ROBO2: variants seen among roughly 807,000 people sequenced by gnomAD.
ROBO2 encodes roundabout homolog 2.
ROBO2 carries 53 observed loss-of-function variants against 160.8 expected under a neutral mutation model. The ratio of observed to expected loss-of-function variants is 0.33; its 90% CI spans 0.26 to 0.41. ROBO2 has a LOEUF of 0.41. Ranked by LOEUF, ROBO2 falls within the 10% of genes least tolerant of loss-of-function variation. The pLI is 1.00. For missense variants in ROBO2, 1,577 were observed against 1,722.4 expected, an observed-to-expected ratio of 0.92 and a Z score of 1.49; for synonymous variants, 664 against 611.7, an observed-to-expected ratio of 1.09 and a Z score of -1.26.
intron 2 of ROBO2, among the ~76,000 whole-genome samples, chr3:76,809,723 T>C (rs1272177658): frequency 6.6e-6 from 1 of 152,142 alleles, no homozygotes; most frequent in Non-Finnish European, 1.5e-5. Context: ...TTGCTTATCA[T>C]ATTTCTGATT....
chr3:76,341,280 G>T (rs1041561454), intron 2 of ROBO2, among the ~76,000 whole-genome samples: 1 of 150,172 alleles, frequency 6.7e-6, no homozygotes, highest in Non-Finnish European at 1.5e-5. Flanking sequence ...AGCGATACAG[G>T]TTCCTTGGTC....
chr3:77,517,234 G>A (rs946707984), intron 5 of ROBO2, among the ~76,000 whole-genome samples: 1 of 151,536 alleles, frequency 6.6e-6, no homozygotes, highest in East Asian at 1.9e-4. Context: ...ACATGTATAA[G>A]GGAATGATAT....
At chr3:76,426,646 G>A (rs1224596873) in intron 2 of ROBO2, among the ~76,000 whole-genome samples, 1 of 152,132 alleles carries the variant, frequency 6.6e-6, no homozygotes, top group Non-Finnish European at 1.5e-5. Context: ...AGTGGGCTTA[G>A]ATGAAAGGGG....
chr3:77,067,531 A>C (rs561908745), intron 1 of ROBO2, among the ~76,000 whole-genome samples: 2 of 152,340 alleles, frequency 1.3e-5, no homozygotes, highest in South Asian at 4.1e-4. Context: ...TATGCATAAC[A>C]GACTGAAAAG....
At chr3:76,083,684 G>T (rs2068914274) in intron 2 of ROBO2, among the ~76,000 whole-genome samples, 1 of 151,996 alleles carries the variant, frequency 6.6e-6, no homozygotes, top group South Asian at 2.1e-4. Context: ...GTTCCCTCCT[G>T]TCCCAAAATT....
intron 2 of ROBO2, among the ~76,000 whole-genome samples, chr3:77,343,184 T>C (rs2067258455): frequency 6.6e-6 from 1 of 152,078 alleles, no homozygotes; most frequent in East Asian, 1.9e-4. Context: ...ACAGTCACAT[T>C]GGGGGTTAGG....
intron 2 of ROBO2, 35 bp from the exon 3 acceptor site, chr3:77,477,379 T>C (rs763035818): frequency 7.5e-6 from 12 of 1,607,628 alleles, no homozygotes; most frequent in Admixed American, 3.3e-5. Context: ...GTTACTGTCG[T>C]TGAGTTTTCT....
At chr3:77,550,148 ATAT>A (rs1398830497) in intron 7 of ROBO2, among the ~76,000 whole-genome samples, 3 of 152,062 alleles carry the variant, frequency 2.0e-5, no homozygotes, top group African/African-American at 7.2e-5. Context: ...AAAGAAAGTA[ATAT>A]TATGAAATTG....
chr3:77,252,831 A>AAAAAATATATATATATATATATATATAT, intron 2 of ROBO2, among the ~76,000 whole-genome samples: 3 of 12,518 alleles, frequency 2.4e-4, no homozygotes, highest in African/African-American at 3.2e-4. Flanking sequence ...AAAAAAAAAA[A>AAAAAATATATATATATATATATATATAT]ATATATATAT....
intron 2 of ROBO2, among the ~76,000 whole-genome samples, chr3:76,773,185 A>G (rs1023091210): frequency 6.6e-6 from 1 of 151,040 alleles, no homozygotes; most frequent in Non-Finnish European, 1.5e-5. Flanking sequence ...TAGTCACAAC[A>G]TGATTAAATC....
intron 2 of ROBO2, among the ~76,000 whole-genome samples, chr3:77,195,130 T>C (rs746741617): frequency 5.9e-5 from 9 of 152,156 alleles, no homozygotes; most frequent in Non-Finnish European, 1.3e-4. Context: ...CTAGTTTCAT[T>C]ACATTCAGGT....
chr3:76,862,644 T>C (rs903714254), intron 2 of ROBO2, among the ~76,000 whole-genome samples: 1 of 152,042 alleles, frequency 6.6e-6, no homozygotes, highest in Admixed American at 6.6e-5. Context: ...TTTCTCTAAG[T>C]ATAGGAGGGC....
chr3:76,761,049 CTTCT>C (rs1425812163), intron 2 of ROBO2, among the ~76,000 whole-genome samples: 1 of 151,620 alleles, frequency 6.6e-6, no homozygotes, highest in Non-Finnish European at 1.5e-5. Flanking sequence ...TATTTTACCT[CTTCT>C]TTCTTTTCTA....
intron 2 of ROBO2, among the ~76,000 whole-genome samples, chr3:76,666,847 AT>A (rs368922085): frequency 1.1e-4 from 16 of 152,310 alleles, no homozygotes; most frequent in African/African-American, 3.4e-4. Flanking sequence ...TGTTAAAAAA[AT>A]AACTAATAAT....
At chr3:76,758,869 A>G (rs1416980900) in intron 2 of ROBO2, among the ~76,000 whole-genome samples, 7 of 151,892 alleles carry the variant, frequency 4.6e-5, no homozygotes, top group Non-Finnish European at 8.8e-5. Flanking sequence ...AATAAAAGAG[A>G]ATGGTATGTG....
At chr3:76,013,203 G>A (rs2066259761) in intron 2 of ROBO2, among the ~76,000 whole-genome samples, 1 of 149,620 alleles carries the variant, frequency 6.7e-6, no homozygotes, top group East Asian at 2.0e-4. Context: ...TATGTATAAA[G>A]GCAATTGGTG....
At chr3:76,396,578 T>C (rs889886681) in intron 2 of ROBO2, among the ~76,000 whole-genome samples, 18 of 152,034 alleles carry the variant, frequency 1.2e-4, no homozygotes, top group Non-Finnish European at 1.8e-4. Context: ...AAAACCCCAT[T>C]GTCTCAGCCC....
intron 2 of ROBO2, among the ~76,000 whole-genome samples, chr3:75,985,017 T>A (rs1337038816): frequency 3.3e-5 from 5 of 151,542 alleles, no homozygotes; most frequent in African/African-American, 4.8e-5. Flanking sequence ...AGATCTTTAT[T>A]CTAATCATAT....
intron 2 of ROBO2, among the ~76,000 whole-genome samples, chr3:76,160,568 G>C (rs1002361346): frequency 5.9e-5 from 9 of 152,078 alleles, no homozygotes. Context: ...TTCTTAAAAT[G>C]AATTATCCAT....
Sources: allele counts gnomAD v4.1 joint callset (sites outside exome capture counted in the v4.1 genomes callset), GRCh38; gene constraint gnomAD v4.1.1; transcripts MANE v1.5; gene names NCBI Gene and HGNC (gene_info 2026-07-23, HGNC 2026-07-21).